The following GMDS variants were observed in gnomAD, a reference collection of about 807,000 sequenced individuals.
GMDS encodes the protein GDP-mannose 4,6 dehydratase.
In GMDS, 20 loss-of-function variants were observed where a neutral mutation model predicts 49.9. That is an observed-to-expected ratio of 0.40 (90% CI 0.28 to 0.58). The LOEUF is 0.58. Among genes scored for constraint, GMDS ranks in the 20% least tolerant of loss-of-function variants. The pLI is 0.42. For missense variants in GMDS, 362 were observed against 481.4 expected, an observed-to-expected ratio of 0.75 and a Z score of 2.32; for synonymous variants, 177 against 178.6, an observed-to-expected ratio of 0.99 and a Z score of 0.07.
chr6:2,028,998 TC>T (rs68128479), intron 4 of GMDS, among the ~76,000 whole-genome samples: 1,898 of 145,908 alleles, frequency 0.013, 10 homozygotes, highest in Non-Finnish European at 0.02. Flanking sequence ...TTTCTTTCTT[TC>T]TTTTTTTTTT....
At chr6:1,652,092 G>T (rs1309032705) in intron 9 of GMDS, among the ~76,000 whole-genome samples, 1 of 151,620 alleles carries the variant, frequency 6.6e-6, no homozygotes, top group Non-Finnish European at 1.5e-5. Flanking sequence ...TCCTTAACAG[G>T]CCGGGTGTGG....
intron 4 of GMDS, among the ~76,000 whole-genome samples, chr6:2,010,380 A>G (rs1258271592): frequency 6.6e-6 from 1 of 151,928 alleles, no homozygotes; most frequent in Non-Finnish European, 1.5e-5. Flanking sequence ...CATCAAAATC[A>G]AATTACCCTA....
At chr6:2,099,481 C>T (rs1773800794) in intron 4 of GMDS, among the ~76,000 whole-genome samples, 1 of 152,070 alleles carries the variant, frequency 6.6e-6, no homozygotes, top group South Asian at 2.1e-4. Context: ...TTAACACTGG[C>T]ACCTAAATTT....
At chr6:2,085,130 T>C (rs1772937681) in intron 4 of GMDS, among the ~76,000 whole-genome samples, 1 of 152,150 alleles carries the variant, frequency 6.6e-6, no homozygotes, top group African/African-American at 2.4e-5. Context: ...GATCCTTAAG[T>C]TTATGAAAGT....
chr6:1,810,334 C>A (rs1303802632), intron 7 of GMDS, among the ~76,000 whole-genome samples: 1 of 152,058 alleles, frequency 6.6e-6, no homozygotes, highest in African/African-American at 2.4e-5. Context: ...TGCTCCGTCA[C>A]CCAGGCTGGA....
intron 7 of GMDS, among the ~76,000 whole-genome samples, chr6:1,926,555 T>G (rs1216130429): frequency 6.6e-5 from 10 of 152,226 alleles, no homozygotes; most frequent in African/African-American, 2.2e-4. Context: ...AAACACTTCT[T>G]TATTCTAAAG....
At chr6:2,067,584 T>C (rs1771691666) in intron 4 of GMDS, among the ~76,000 whole-genome samples, 1 of 151,668 alleles carries the variant, frequency 6.6e-6, no homozygotes, top group Non-Finnish European at 1.5e-5. Context: ...AAAGGGGATA[T>C]CACCACCGAT....
At chr6:1,765,106 C>T (rs544519915) in intron 7 of GMDS, among the ~76,000 whole-genome samples, 1 of 151,628 alleles carries the variant, frequency 6.6e-6, no homozygotes, top group South Asian at 2.1e-4. Flanking sequence ...AAGATTTAAA[C>T]AATTTAAATC....
At chr6:2,040,937 T>C (rs9378671) in intron 4 of GMDS, among the ~76,000 whole-genome samples, 32,217 of 152,196 alleles carry the variant, frequency 0.21, 3,778 homozygotes, top group Non-Finnish European at 0.25. Flanking sequence ...TCTTCATTTC[T>C]GAAGACTGCC....
At chr6:1,887,283 T>C (rs1369914974) in intron 7 of GMDS, among the ~76,000 whole-genome samples, 3 of 113,464 alleles carry the variant, frequency 2.6e-5, no homozygotes, top group African/African-American at 5.0e-5. Flanking sequence ...TAAAAGGCAG[T>C]GCTGGCTTCT....
At chr6:1,853,413 G>A (rs1332782585) in intron 7 of GMDS, among the ~76,000 whole-genome samples, 2 of 149,868 alleles carry the variant, frequency 1.3e-5, no homozygotes, top group Admixed American at 1.3e-4. Flanking sequence ...AGCTACTGGG[G>A]AGGCTGAGGC....
chr6:2,158,395 A>G (rs1276395571), intron 1 of GMDS, among the ~76,000 whole-genome samples: 1 of 152,232 alleles, frequency 6.6e-6, no homozygotes, highest in Non-Finnish European at 1.5e-5. Flanking sequence ...GTAAAAATAC[A>G]ACACAAAAGT....
intron 4 of GMDS, among the ~76,000 whole-genome samples, chr6:2,059,823 A>C (rs1771035922): frequency 6.6e-6 from 1 of 151,508 alleles, no homozygotes; most frequent in African/African-American, 2.4e-5. Flanking sequence ...AATAATTCTG[A>C]CAGGGCGAAG....
At chr6:2,007,901 G>A (rs1235716590) in intron 4 of GMDS, among the ~76,000 whole-genome samples, 2 of 152,120 alleles carry the variant, frequency 1.3e-5, no homozygotes, top group African/African-American at 2.4e-5. Context: ...GTGCTAAAGG[G>A]TATATTCTTT....
intron 1 of GMDS, among the ~76,000 whole-genome samples, chr6:2,224,784 G>C (rs957476185): frequency 2.6e-5 from 4 of 152,180 alleles, no homozygotes; most frequent in African/African-American, 9.7e-5. Flanking sequence ...CTAGGTCAAA[G>C]CAGACTAATG....
chr6:1,652,350 T>G (rs1763678345), intron 9 of GMDS, among the ~76,000 whole-genome samples: 1 of 81,924 alleles, frequency 1.2e-5, no homozygotes, highest in South Asian at 4.6e-4. Flanking sequence ...CCAGCCTGGG[T>G]GACAAGAGTG....
At position 1,979,931 on chromosome 6, in the gene GMDS, A is replaced by G. The variant is rs185569384; in HGVS notation, c.346-18965T>C. On this transcript the variant is annotated intron_variant, in intron 4 of 10. Transcript: ENST00000380815. The stretch of plus-strand genomic sequence containing the variant: ...AAAAGAATTTCCTATCTAGAATTTC[A>G]TATCTGTCCAAACTAAGCTTCATAA... Among the ~76,000 whole-genome samples the G allele has an allele frequency of 2.0e-3, 312 of 152,374 alleles. 1 individual carries two copies. The highest frequency in any genetic ancestry group is 3.4e-3 in the Non-Finnish European group (232 of 68,036).
At chr6:1,869,702 T>C (rs1758623632) in intron 7 of GMDS, among the ~76,000 whole-genome samples, 1 of 152,182 alleles carries the variant, frequency 6.6e-6, no homozygotes, top group Non-Finnish European at 1.5e-5. Context: ...GAAAGAAACT[T>C]TTACTGTTAA....
At chr6:1,993,703 C>T (rs1238501210) in intron 4 of GMDS, among the ~76,000 whole-genome samples, 8 of 150,406 alleles carry the variant, frequency 5.3e-5, no homozygotes, top group African/African-American at 2.0e-4. Context: ...CTAACATTTA[C>T]TCTCCAGCCC....
Sources: gnomAD v4.1 joint callset for allele counts (sites outside exome capture counted in the v4.1 genomes callset) on GRCh38, gnomAD v4.1.1 for gene constraint, MANE v1.5 for transcripts, NCBI Gene and HGNC (gene_info 2026-07-23, HGNC 2026-07-21) for gene names.